Variants in SORCS3 observed in about 807,000 individuals in gnomAD.
The protein encoded by SORCS3 is VPS10 domain-containing receptor SorCS3.
In SORCS3, 57 loss-of-function variants were observed where a neutral mutation model predicts 146.3. The ratio of observed to expected loss-of-function variants is 0.39; its 90% CI spans 0.31 to 0.49. The LOEUF is 0.49. SORCS3 is among the 20% of genes least tolerant of loss of function. SORCS3 has a pLI of 0.92. For missense variants in SORCS3, 1,341 were observed against 1,575.5 expected (o/e 0.85, Z 2.52); for synonymous variants, 653 against 618.5 (o/e 1.06, Z -0.83).
intron 1 of SORCS3, among the ~76,000 whole-genome samples, chr10:104,770,543 G>A (rs2017235886): frequency 6.6e-6 from 1 of 152,048 alleles, no homozygotes; most frequent in Admixed American, 6.6e-5. Flanking sequence ...AAGAACACTG[G>A]GCATAGGGGT....
At chr10:104,933,441 C>T (rs1457341452) in intron 3 of SORCS3, among the ~76,000 whole-genome samples, 1 of 151,990 alleles carries the variant, frequency 6.6e-6, no homozygotes, top group African/African-American at 2.4e-5. Flanking sequence ...TCCAGAAGCT[C>T]AGAGCTCCCA....
intron 7 of SORCS3, among the ~76,000 whole-genome samples, chr10:105,117,677 A>C (rs888090596): frequency 3.3e-4 from 50 of 152,306 alleles, no homozygotes; most frequent in Middle Eastern, 3.4e-3. Flanking sequence ...ATTCACAATC[A>C]AATTTTTTGA....
intron 2 of SORCS3, among the ~76,000 whole-genome samples, chr10:104,889,820 A>G (rs1387031232): frequency 2.6e-5 from 4 of 152,168 alleles, no homozygotes; most frequent in East Asian, 1.9e-4. Flanking sequence ...GCGTAGATAC[A>G]TATTTCCATC....
At chr10:104,713,013 T>A (rs1156754914) in intron 1 of SORCS3, among the ~76,000 whole-genome samples, 1 of 152,134 alleles carries the variant, frequency 6.6e-6, no homozygotes, top group Non-Finnish European at 1.5e-5. Flanking sequence ...TTAAAGTAAC[T>A]GGGCAGGTTT....
intron 3 of SORCS3, among the ~76,000 whole-genome samples, chr10:104,974,200 GT>G (rs1336692124): frequency 6.6e-6 from 1 of 152,186 alleles, no homozygotes; most frequent in Non-Finnish European, 1.5e-5. Context: ...TTCTGTAGAT[GT>G]CTATTAGGTC....
rs569402355 is a variant in SORCS3, at chr10:104,668,599, T to C, written c.627+26645T>C. On this transcript the variant is annotated intron_variant, in intron 1 of 26. Coordinates refer to ENST00000369701, the MANE Select transcript of SORCS3 (RefSeq NM_014978.3). Reference sequence around the variant, plus strand: ...GAGATACACTTGTATTGTCTTACCATGATGTCTGTCTCATCAAAATTAACT... The same window carrying C: ...GAGATACACTTGTATTGTCTTACCACGATGTCTGTCTCATCAAAATTAACT... Among the ~76,000 whole-genome samples the C allele has an allele frequency of 2.0e-5, 3 of 152,372 alleles. No homozygotes were observed. In the East Asian group the frequency reaches 5.8e-4, roughly 29 times the overall value.
intron 2 of SORCS3, among the ~76,000 whole-genome samples, chr10:104,881,581 G>T (rs1368468164): frequency 6.6e-6 from 1 of 152,172 alleles, no homozygotes; most frequent in Non-Finnish European, 1.5e-5. Flanking sequence ...AGAGAAAAAA[G>T]TAACAGATTA....
intron 1 of SORCS3, among the ~76,000 whole-genome samples, chr10:104,832,203 T>C (rs2018008385): frequency 6.6e-6 from 1 of 152,188 alleles, no homozygotes; most frequent in Non-Finnish European, 1.5e-5. Flanking sequence ...CTTCAGGACT[T>C]GAAGACAATA....
intron 3 of SORCS3, among the ~76,000 whole-genome samples, chr10:104,974,811 C>T (rs192601609): frequency 6.6e-6 from 1 of 152,238 alleles, no homozygotes; most frequent in Admixed American, 6.5e-5. Context: ...TACAATTTGG[C>T]CTGATTTTGC....
intron 18 of SORCS3, among the ~76,000 whole-genome samples, chr10:105,216,300 T>C (rs1465923307): frequency 6.6e-6 from 1 of 152,126 alleles, no homozygotes; most frequent in East Asian, 1.9e-4. Flanking sequence ...CAGATGGTGT[T>C]ATATAATATG....
At chr10:105,134,811 T>C (rs901349799) in intron 7 of SORCS3, among the ~76,000 whole-genome samples, 1 of 152,164 alleles carries the variant, frequency 6.6e-6, no homozygotes, top group Non-Finnish European at 1.5e-5. Context: ...TCCCAATAGC[T>C]TCAAATGTGT....
chr10:105,008,110 G>C (rs898546128), intron 4 of SORCS3, among the ~76,000 whole-genome samples: 2 of 151,790 alleles, frequency 1.3e-5, no homozygotes, highest in Non-Finnish European at 2.9e-5. Flanking sequence ...GTAATTCTGG[G>C]AAGCTTTTTT....
At chr10:105,090,799 T>C (rs2055696355) in intron 6 of SORCS3, among the ~76,000 whole-genome samples, 1 of 152,030 alleles carries the variant, frequency 6.6e-6, no homozygotes, top group Non-Finnish European at 1.5e-5. Context: ...GTTAATCAAA[T>C]AGAAGATGAA....
At chr10:105,105,152 A>C (rs1450643322) in intron 6 of SORCS3, among the ~76,000 whole-genome samples, 2 of 152,204 alleles carry the variant, frequency 1.3e-5, no homozygotes, top group Admixed American at 6.5e-5. Context: ...TTCTTCCAAA[A>C]AGCTATACCA....
chr10:105,041,257 A>T (rs2055336078), intron 4 of SORCS3, among the ~76,000 whole-genome samples: 1 of 149,034 alleles, frequency 6.7e-6, no homozygotes. Context: ...ACCAATTGGG[A>T]TCTGTCTCCA....
At chr10:105,129,336 T>A (rs7475759) in intron 7 of SORCS3, among the ~76,000 whole-genome samples, 4 of 107,420 alleles carry the variant, frequency 3.7e-5, no homozygotes, top group African/African-American at 1.1e-4. Context: ...TTTCTCTTTT[T>A]TTTTTTTTTT....
chr10:104,944,672 A>C (rs1216924044), intron 3 of SORCS3, among the ~76,000 whole-genome samples: 1 of 152,240 alleles, frequency 6.6e-6, no homozygotes, highest in African/African-American at 2.4e-5. Context: ...TTTATAACCA[A>C]CATATTAGCT....
chr10:104,677,106 G>A (rs914280231), intron 1 of SORCS3, among the ~76,000 whole-genome samples: 5 of 152,160 alleles, frequency 3.3e-5, no homozygotes, highest in Admixed American at 1.3e-4. Context: ...CAGAATAAGC[G>A]GGTTGAGCAA....
intron 13 of SORCS3, among the ~76,000 whole-genome samples, chr10:105,171,111 A>T (rs915731456): frequency 6.6e-6 from 1 of 152,162 alleles, no homozygotes; most frequent in East Asian, 1.9e-4. Flanking sequence ...TCTCAGATTT[A>T]AATAATAGCT....
Sources: gnomAD v4.1 joint callset for allele counts (sites outside exome capture counted in the v4.1 genomes callset) on GRCh38, gnomAD v4.1.1 for gene constraint, MANE v1.5 for transcripts, NCBI Gene and HGNC (gene_info 2026-07-23, HGNC 2026-07-21) for gene names.